PGM2L1: variants seen among roughly 807,000 people sequenced by gnomAD.
PGM2L1 encodes glucose 1,6-bisphosphate synthase.
PGM2L1 carries 35 observed loss-of-function variants against 73.4 expected under a neutral mutation model. That is an observed-to-expected ratio of 0.48 (90% CI 0.36 to 0.63). The LOEUF (loss-of-function observed/expected upper bound fraction) is 0.63. Ranked by LOEUF, PGM2L1 falls within the 30% of genes least tolerant of loss-of-function variation. PGM2L1 has a pLI of 0.00. For missense variants in PGM2L1, 570 were observed against 742.0 expected (o/e 0.77, Z 2.69); for synonymous variants, 225 against 253.8 (o/e 0.89, Z 1.08).
chr11:74,354,556 A>G (rs1489353295), intron 5 of PGM2L1: 2 of 1,153,130 alleles, frequency 1.7e-6, no homozygotes, highest in Non-Finnish European at 2.6e-6. Context: ...AGCAATGGGA[A>G]TGCTCACGAA....
chr11:74,331,303 C>G lies in PGM2L1; in HGVS notation c.*5349G>C, dbSNP rs1365563783. The G allele has an allele frequency of 7.5e-6, 1 of 132,480 alleles. No homozygotes were observed. Among genetic ancestry groups the G allele is most frequent in the Admixed American group, 9.0e-5 (1 of 11,122 alleles). 8.2% of individuals were successfully genotyped at this position (132,480 alleles called of 1,614,324 possible). ...TTGAGATGGAGTTTCACTCTTGTTG[C>G]CCAGGCTGGAGTGCAACGGCGCGAT... is the stretch of plus-strand genomic sequence containing the variant. On this transcript the variant is annotated 3_prime_UTR_variant, in exon 14 of 14. Transcript: ENST00000298198.
In PGM2L1 at chr11:74,374,052, C is replaced by CAAAA. The variant is rs60395088; in HGVS notation, c.279+359_279+362dup. ...AATGGCACTACCTAATTTATAAAGC[C>CAAAA]AAAAAAAAAAAAAAAAAAAACCAGA... On this transcript the variant is annotated intron_variant, in intron 2 of 13. Transcript: ENST00000298198. 1.1e-3 allele frequency among the ~76,000 whole-genome samples: 93 copies of CAAAA among 85,526 alleles called. 3 individuals carry two copies. Among genetic ancestry groups the CAAAA allele is most frequent in the South Asian group, 1.9e-3 (4 of 2,130 alleles). The allele number at this position is 85,526 out of a possible 152,430, so 56.1% of individuals were successfully genotyped here. A position where few individuals can be genotyped will look rare whatever the true frequency, so the allele number is the denominator to read the frequency against.
chr11:74,363,494 A>G lies in PGM2L1; in HGVS notation c.555+4998T>C, dbSNP rs1862599833. ...GCTAGCAAGACTAATAAAGAAAAAA[A>G]GAGAGAAGAATCAAATGGACACAAT... is the stretch of plus-strand genomic sequence containing the variant. On this transcript the variant is annotated intron_variant, in intron 5 of 13. Transcript: ENST00000298198. Among the ~76,000 whole-genome samples the G allele has an allele frequency of 3.9e-5, 6 of 152,224 alleles. No individual in the cohort carries two copies. The South Asian group carries it at 1.2e-3, about 31-fold the overall frequency.
chr11:74,338,997 A>G (rs75285093), intron 12 of PGM2L1, among the ~76,000 whole-genome samples: 3,306 of 152,310 alleles, frequency 0.022, 56 homozygotes, highest in Middle Eastern at 0.034. Flanking sequence ...ATTCATAAAC[A>G]TACCATTTAC....
Position 74,348,464 on chromosome 11 carries a change from T to C in PGM2L1, c.750-1127A>G, listed in dbSNP as rs527315322. On this transcript the variant is annotated intron_variant, in intron 6 of 13. Coordinates refer to ENST00000298198, the MANE Select transcript of PGM2L1 (RefSeq NM_173582.6). ...AATCTAGTCTCATTTATTCAAGATATATTACTTTACATGAAAATGCTTTAG... is the reference window on the plus strand; with the variant it reads ...AATCTAGTCTCATTTATTCAAGATACATTACTTTACATGAAAATGCTTTAG... Among the ~76,000 whole-genome samples, 5 of 152,330 alleles carry C rather than the reference T, an allele frequency of 3.3e-5. No homozygotes were observed. In the East Asian group the frequency reaches 9.6e-4, roughly 29 times the overall value.
rs143555240 is a variant in PGM2L1 at position 74,350,082 on chromosome 11, A to G, written c.749+1301T>C. Among the ~76,000 whole-genome samples the G allele has an allele frequency of 2.6e-3, 391 of 152,332 alleles. 3 individuals carry two copies. Among genetic ancestry groups the G allele is most frequent in the African/African-American group, 8.8e-3 (365 of 41,572 alleles). ...TGCCCATATACTCTTTAAAAAACAAAAATGTAAATAAGAAAAGACAGAAAG... is the reference window on the plus strand; with the variant it reads ...TGCCCATATACTCTTTAAAAAACAAGAATGTAAATAAGAAAAGACAGAAAG... On this transcript the variant is annotated intron_variant, in intron 6 of 13. Coordinates refer to ENST00000298198, the MANE Select transcript of PGM2L1 (RefSeq NM_173582.6).
chr11:74,387,485 T>C (rs1038048514), intron 1 of PGM2L1, among the ~76,000 whole-genome samples: 1 of 152,220 alleles, frequency 6.6e-6, no homozygotes, highest in Admixed American at 6.5e-5. Flanking sequence ...CCTTCACCTA[T>C]ACTTACTCAC....
intron 3 of PGM2L1, among the ~76,000 whole-genome samples, chr11:74,371,326 CAT>C: frequency 6.6e-6 from 1 of 151,990 alleles, no homozygotes; most frequent in Non-Finnish European, 1.5e-5. Context: ...ACTCAATATG[CAT>C]TATTACCCCT....
At chr11:74,350,028 ATAGT>A (rs1289277595) in intron 6 of PGM2L1, among the ~76,000 whole-genome samples, 10 of 152,190 alleles carry the variant, frequency 6.6e-5, no homozygotes. Flanking sequence ...AGCTTGATAA[ATAGT>A]TAGGTTCACT....
At chr11:74,365,353 A>G (rs984345087) in intron 5 of PGM2L1, among the ~76,000 whole-genome samples, 1 of 151,060 alleles carries the variant, frequency 6.6e-6, no homozygotes, top group Non-Finnish European at 1.5e-5. Context: ...ACAAAAGCCA[A>G]AATTGACAAA....
At chr11:74,355,827 G>C in intron 5 of PGM2L1, 1 of 447,242 alleles carries the variant, frequency 2.2e-6, no homozygotes, top group South Asian at 1.6e-5. Flanking sequence ...GCACAGTGGT[G>C]GCAGGGCCTA....
chr11:74,352,627 A>G (rs913650233), intron 5 of PGM2L1, among the ~76,000 whole-genome samples: 1 of 152,214 alleles, frequency 6.6e-6, no homozygotes, highest in Non-Finnish European at 1.5e-5. Context: ...AATCTGTGCT[A>G]TGTACTAATC....
intron 13 of PGM2L1, 66 bp downstream of exon 13, chr11:74,338,402 G>A: frequency 1.4e-6 from 2 of 1,380,972 alleles, no homozygotes; most frequent in Admixed American, 2.0e-5. Context: ...TGCGTGAGCT[G>A]TATGGTATGT....
At chr11:74,396,852 T>C (rs1308087842) in intron 1 of PGM2L1, among the ~76,000 whole-genome samples, 1 of 152,238 alleles carries the variant, frequency 6.6e-6, no homozygotes, top group African/African-American at 2.4e-5. Flanking sequence ...GAAGAATTAT[T>C]CGTCCAATAT....
intron 2 of PGM2L1, among the ~76,000 whole-genome samples, chr11:74,373,454 T>C (rs893463670): frequency 1.4e-4 from 22 of 152,252 alleles, no homozygotes; most frequent in Non-Finnish European, 2.4e-4. Context: ...ATTAGAATTA[T>C]GTCTACTGAA....
rs776304572 is a variant in PGM2L1, at chr11:74,398,291, G to C, written c.-130C>G. On this transcript the variant is annotated 5_prime_UTR_variant, in exon 1 of 14. Coordinates refer to ENST00000298198, the MANE Select transcript of PGM2L1 (RefSeq NM_173582.6). Reference sequence around the variant, plus strand: ...GAAGGGCATCGGAGACCAACCGCAGGGTGTTCGTAACAGCTCCTGCCGCGG... The same window carrying C: ...GAAGGGCATCGGAGACCAACCGCAGCGTGTTCGTAACAGCTCCTGCCGCGG... 7.3e-7 allele frequency: 1 copy of C among 1,364,928 alleles called. No homozygotes were observed. Among genetic ancestry groups the C allele is most frequent in the South Asian group, 1.6e-5 (1 of 61,168 alleles). 84.6% of individuals were successfully genotyped at this position (1,364,928 alleles called of 1,614,324 possible). A position where few individuals can be genotyped will look rare whatever the true frequency, so the allele number is the denominator to read the frequency against.
chr11:74,395,907 G>A (rs1416033275), intron 1 of PGM2L1, among the ~76,000 whole-genome samples: 4 of 151,754 alleles, frequency 2.6e-5, no homozygotes, highest in Non-Finnish European at 5.9e-5. Flanking sequence ...ACAATGTATA[G>A]GCATAGAATG....
At chr11:74,339,689 C>A (rs1457820258) in intron 12 of PGM2L1, among the ~76,000 whole-genome samples, 3 of 152,172 alleles carry the variant, frequency 2.0e-5, no homozygotes, top group Non-Finnish European at 4.4e-5. Flanking sequence ...AACTGATCTT[C>A]CTGCCTGGAA....
Position 74,345,604 on chromosome 11 carries a change from A to G in PGM2L1, c.1083T>C (p.Phe361=). The change falls in exon 9 of 14, where the codon TTT becomes TTC. Residue 361 remains phenylalanine (F), a synonymous_variant. Coordinates refer to ENST00000298198, the MANE Select transcript of PGM2L1 (RefSeq NM_173582.6). The stretch of plus-strand genomic sequence containing the variant: ...TCCAGCAATCAAACATCCACCATCC[A>G]AACAAAGCTGCCAACTCATTCCCTG... ...VFTGNELAAL[F]GWWMFDCWKK... is the part of the protein sequence containing the mutation. The G allele has an allele frequency of 6.2e-7, 1 of 1,613,974 alleles. No individual in the cohort carries two copies.
Sources: gnomAD v4.1 joint callset for allele counts (sites outside exome capture counted in the v4.1 genomes callset) on GRCh38, gnomAD v4.1.1 for gene constraint, MANE v1.5 for transcripts, NCBI Gene and HGNC (gene_info 2026-07-23, HGNC 2026-07-21) for gene names.